FRMD4A: variants seen among roughly 807,000 people sequenced by gnomAD.
FRMD4A encodes the protein FERM domain-containing protein 4A.
In FRMD4A, 29 loss-of-function variants were observed where a neutral mutation model predicts 129.1. The ratio of observed to expected loss-of-function variants is 0.22; its 90% confidence interval spans 0.17 to 0.31. FRMD4A has a LOEUF of 0.31. FRMD4A is among the 10% of genes least tolerant of loss of function. The pLI, the probability that FRMD4A is intolerant of heterozygous loss-of-function variation, is 1.00. For synonymous variants in FRMD4A, 634 were observed against 571.6 expected, an observed-to-expected ratio of 1.11 and a Z score of -1.56; for missense variants, 1,272 against 1,375.8, an observed-to-expected ratio of 0.92 and a Z score of 1.19.
intron 2 of FRMD4A, among the ~76,000 whole-genome samples, chr10:14,268,527 A>T (rs1197226211): frequency 6.6e-6 from 1 of 152,232 alleles, no homozygotes; most frequent in Non-Finnish European, 1.5e-5. Flanking sequence ...TTTTTCATTC[A>T]TCTTCATAAG....
intron 2 of FRMD4A, among the ~76,000 whole-genome samples, chr10:13,965,970 A>C (rs2095482945): frequency 1.3e-5 from 2 of 152,176 alleles, no homozygotes; most frequent in East Asian, 1.9e-4. Flanking sequence ...TGGCTTTCCT[A>C]CATTTGTAAC....
At chr10:13,789,732 C>T (rs527658684) in intron 5 of FRMD4A, among the ~76,000 whole-genome samples, 90 of 100,068 alleles carry the variant, frequency 9.0e-4, no homozygotes, top group African/African-American at 2.7e-3. Context: ...GTTCAAGGTG[C>T]TCTTGGTCAT....
At chr10:14,159,290 T>C (rs926767570) in intron 2 of FRMD4A, among the ~76,000 whole-genome samples, 1 of 152,228 alleles carries the variant, frequency 6.6e-6, no homozygotes, top group Non-Finnish European at 1.5e-5. Flanking sequence ...GATTTTCTAA[T>C]AGCTACATTC....
At chr10:14,173,882 G>C (rs928663141) in intron 2 of FRMD4A, among the ~76,000 whole-genome samples, 1 of 151,842 alleles carries the variant, frequency 6.6e-6, no homozygotes, top group African/African-American at 2.4e-5. Flanking sequence ...CCTATTCTTT[G>C]AGAGATCCAG....
chr10:13,944,751 G>C (rs1191437434), intron 2 of FRMD4A, among the ~76,000 whole-genome samples: 1 of 152,202 alleles, frequency 6.6e-6, no homozygotes, highest in African/African-American at 2.4e-5. Context: ...TTATCATTCT[G>C]AAAGTTCCTT....
At chr10:13,847,787 C>T (rs2094074862) in intron 3 of FRMD4A, among the ~76,000 whole-genome samples, 1 of 152,212 alleles carries the variant, frequency 6.6e-6, no homozygotes, top group African/African-American at 2.4e-5. Flanking sequence ...TCATTGACCA[C>T]CTCTAGACAG....
intron 12 of FRMD4A, among the ~76,000 whole-genome samples, chr10:13,716,224 C>G (rs900896724): frequency 1.3e-5 from 2 of 152,158 alleles, no homozygotes; most frequent in Non-Finnish European, 2.9e-5. Flanking sequence ...TGGCCAATTC[C>G]TCCGTCCACT....
At chr10:13,831,207 C>T (rs961601162) in intron 3 of FRMD4A, among the ~76,000 whole-genome samples, 2 of 152,202 alleles carry the variant, frequency 1.3e-5, no homozygotes, top group South Asian at 2.1e-4. Flanking sequence ...TTAGACCAAA[C>T]GCAATGCCTC....
At chr10:13,937,393 C>T (rs557060877) in intron 2 of FRMD4A, among the ~76,000 whole-genome samples, 14 of 152,274 alleles carry the variant, frequency 9.2e-5, no homozygotes, top group African/African-American at 3.1e-4. Flanking sequence ...TAAGAGTTAA[C>T]GTTTCATGTT....
chr10:13,762,756 C>T (rs1588603756), intron 6 of FRMD4A, 76 bp from the exon 7 acceptor site: 10 of 887,690 alleles, frequency 1.1e-5, no homozygotes, highest in Admixed American at 3.9e-5. Flanking sequence ...TAAATGACAG[C>T]TCTTCTTCGG....
At chr10:14,317,882 T>C (rs1846804983) in intron 2 of FRMD4A, among the ~76,000 whole-genome samples, 1 of 152,110 alleles carries the variant, frequency 6.6e-6, no homozygotes, top group Admixed American at 6.6e-5. Flanking sequence ...CCTGTCTAGA[T>C]ACAGAGTCTG....
chr10:13,722,769 T>C (rs1239768125), intron 12 of FRMD4A, among the ~76,000 whole-genome samples: 1 of 152,252 alleles, frequency 6.6e-6, no homozygotes, highest in Admixed American at 6.5e-5. Context: ...GGGAGCCGGT[T>C]AGCTGGGTAT....
In FRMD4A at chr10:13,663,501, T is replaced by C. The variant is rs773689101; in HGVS notation, c.1612A>G (p.Ile538Val). 1 of 1,534,208 alleles carries C rather than the reference T, an allele frequency of 6.5e-7. No individual in the cohort carries two copies. The highest frequency in any genetic ancestry group is 9.0e-7 in the Non-Finnish European group (1 of 1,106,858). ...GAGAGGGAGCTGTCTTCACTGGCAA[T>C]GTTTCCATCTGAGAAGACAAAAAGC... The part of the protein sequence containing the change: ...RASLIIDDGN[I>V]ASEDSSLSDA... The change falls in exon 19 of 25, where the codon ATT becomes GTT. Residue 538 changes from isoleucine (I) to valine (V), a missense_variant. Ile to Val is a conservative substitution (Grantham distance 29). Coordinates refer to ENST00000357447, the MANE Select transcript of FRMD4A (RefSeq NM_018027.5).
chr10:13,816,627 C>T (rs1253703013), intron 3 of FRMD4A, among the ~76,000 whole-genome samples: 1 of 152,208 alleles, frequency 6.6e-6, no homozygotes, highest in Admixed American at 6.5e-5. Context: ...CTACATTGTT[C>T]TGAAAGTTTC....
intron 2 of FRMD4A, among the ~76,000 whole-genome samples, chr10:14,202,467 T>C (rs1046216571): frequency 1.3e-4 from 20 of 152,204 alleles, no homozygotes; most frequent in Non-Finnish European, 2.4e-4. Flanking sequence ...AGTGGCGCTA[T>C]CTCGGCTCAC....
intron 2 of FRMD4A, among the ~76,000 whole-genome samples, chr10:13,904,967 T>C (rs2094864820): frequency 1.8e-5 from 2 of 111,000 alleles, no homozygotes; most frequent in South Asian, 6.3e-4. Context: ...CACTCCAGCC[T>C]GGGCGACAGA....
intron 3 of FRMD4A, among the ~76,000 whole-genome samples, chr10:13,829,619 T>C (rs1336553741): frequency 2.0e-5 from 3 of 152,220 alleles, no homozygotes; most frequent in African/African-American, 7.2e-5. Flanking sequence ...CTCAATTCAA[T>C]GCTTCCTAAT....
At chr10:14,192,370 CA>C (rs1422998157) in intron 2 of FRMD4A, among the ~76,000 whole-genome samples, 1 of 152,184 alleles carries the variant, frequency 6.6e-6, no homozygotes, top group Non-Finnish European at 1.5e-5. Flanking sequence ...TTTAGAGTAA[CA>C]GCTCTTATAA....
At chr10:14,204,790 G>A (rs1302476357) in intron 2 of FRMD4A, among the ~76,000 whole-genome samples, 1 of 152,182 alleles carries the variant, frequency 6.6e-6, no homozygotes, top group Non-Finnish European at 1.5e-5. Flanking sequence ...GGAAGGAGCA[G>A]AGAGAAATCG....
Sources: allele counts gnomAD v4.1 joint callset (sites outside exome capture counted in the v4.1 genomes callset), GRCh38; gene constraint gnomAD v4.1.1; transcripts MANE v1.5; gene names NCBI Gene and HGNC (gene_info 2026-07-23, HGNC 2026-07-21).